The following SUMF1 variants were observed in gnomAD, a reference collection of about 807,000 sequenced individuals.
SUMF1 encodes formylglycine-generating enzyme.
In SUMF1, 48 loss-of-function variants were observed where a neutral mutation model predicts 47.6. The ratio of observed to expected loss-of-function variants is 1.01; its 90% CI spans 0.80 to 1.28. The LOEUF is 1.28. Among genes scored for constraint, SUMF1 ranks in the 50% most tolerant of loss-of-function variants. The pLI, the probability that SUMF1 is intolerant of heterozygous loss-of-function variation, is 0.00. For synonymous variants in SUMF1, 230 were observed against 192.1 expected (o/e 1.20, Z -1.63); for missense variants, 571 against 485.4 (o/e 1.18, Z -1.66).
intron 3 of SUMF1, among the ~76,000 whole-genome samples, chr3:4,426,321 A>T (rs1365369909): frequency 6.6e-6 from 1 of 152,186 alleles, no homozygotes; most frequent in East Asian, 1.9e-4. Flanking sequence ...AAGGAGAGAC[A>T]AGTAATCAAA....
chr3:4,151,568 C>CAT (rs1166801335), intron 8 of SUMF1, among the ~76,000 whole-genome samples: 2 of 145,676 alleles, frequency 1.4e-5, no homozygotes, highest in African/African-American at 5.2e-5. Flanking sequence ...CACACACACA[C>CAT]ACACACACAC....
chr3:4,298,172 T>C (rs1697891767), intron 8 of SUMF1, among the ~76,000 whole-genome samples: 1 of 152,234 alleles, frequency 6.6e-6, no homozygotes. Flanking sequence ...AATTCATTAA[T>C]GTCCAGAAAT....
Position 4,201,323 on chromosome 3 carries a change from C to T in SUMF1, c.1015-132578G>A, listed in dbSNP as rs78251896. ...TTCCTAGCTTCTGGTAACCATCATTCTACTACTCTCTATCTCCATGAGTTC... is the reference window on the plus strand; with the variant it reads ...TTCCTAGCTTCTGGTAACCATCATTTTACTACTCTCTATCTCCATGAGTTC... On this transcript the variant is annotated intron_variant and NMD_transcript_variant, in intron 8 of 12. Transcript: ENST00000448413. Among the ~76,000 whole-genome samples the T allele has an allele frequency of 3.9e-5, 6 of 152,138 alleles. No homozygotes were observed. In the East Asian group the frequency reaches 1.2e-3, roughly 29 times the overall value.
chr3:4,163,482 A>G (rs1694631743), intron 8 of SUMF1, among the ~76,000 whole-genome samples: 1 of 54,106 alleles, frequency 1.8e-5, no homozygotes, highest in South Asian at 5.8e-4. Context: ...AATCTCTCCA[A>G]TGTATCTCTC....
intron 8 of SUMF1, among the ~76,000 whole-genome samples, chr3:4,350,583 T>G (rs1216569225): frequency 6.6e-6 from 1 of 152,180 alleles, no homozygotes; most frequent in Admixed American, 6.5e-5. Flanking sequence ...TAATTTTACC[T>G]AGGTATATTA....
At chr3:4,268,324 C>G (rs1298612835) in intron 8 of SUMF1, among the ~76,000 whole-genome samples, 1 of 151,882 alleles carries the variant, frequency 6.6e-6, no homozygotes, top group East Asian at 1.9e-4. Flanking sequence ...GGGAGATATA[C>G]CTAATGCTAG....
intron 7 of SUMF1, among the ~76,000 whole-genome samples, chr3:4,388,112 A>G (rs1004385591): frequency 2.0e-5 from 3 of 152,086 alleles, no homozygotes; most frequent in African/African-American, 7.2e-5. Flanking sequence ...GAGTTCTTCT[A>G]TATCCTTGCT....
At chr3:4,298,820 G>T (rs1003425473) in intron 8 of SUMF1, among the ~76,000 whole-genome samples, 1 of 152,132 alleles carries the variant, frequency 6.6e-6, no homozygotes, top group African/African-American at 2.4e-5. Context: ...CTGAATATCT[G>T]AGAAATTCCC....
chr3:4,039,918 G>A (rs1218610866), intron 9 of SUMF1, among the ~76,000 whole-genome samples: 1 of 152,032 alleles, frequency 6.6e-6, no homozygotes, highest in African/African-American at 2.4e-5. Flanking sequence ...AGCTACTTGG[G>A]AGCCTGAGAT....
At chr3:4,151,701 T>A (rs1250096970) in intron 8 of SUMF1, among the ~76,000 whole-genome samples, 1 of 138,166 alleles carries the variant, frequency 7.2e-6, no homozygotes, top group Non-Finnish European at 1.5e-5. Context: ...GCTGATGAGC[T>A]AAAAAAAAAA....
At chr3:4,358,406 G>A (rs904407252), downstream of SUMF1, among the ~76,000 whole-genome samples, 1 of 152,108 alleles carries the variant, frequency 6.6e-6, no homozygotes, top group East Asian at 1.9e-4. Context: ...ACTGCAACTG[G>A]CACATCGACC....
At chr3:4,044,480 G>A (rs778970838) in intron 9 of SUMF1, among the ~76,000 whole-genome samples, 3 of 152,170 alleles carry the variant, frequency 2.0e-5, no homozygotes, top group Non-Finnish European at 2.9e-5. Context: ...TGCAGTAAAA[G>A]GGTATGAGTA....
intron 3 of SUMF1, among the ~76,000 whole-genome samples, chr3:4,431,247 T>C (rs952925420): frequency 1.3e-5 from 2 of 152,224 alleles, no homozygotes; most frequent in African/African-American, 2.4e-5. Flanking sequence ...ACAGACCGGA[T>C]TGAGAACCTG....
chr3:4,449,653 G>C (rs1218227201), intron 2 of SUMF1, among the ~76,000 whole-genome samples: 1 of 152,236 alleles, frequency 6.6e-6, no homozygotes, highest in East Asian at 1.9e-4. Flanking sequence ...ATGACTCTGG[G>C]AAATAGTATT....
At chr3:4,128,704 G>C (rs891388386) in intron 8 of SUMF1, among the ~76,000 whole-genome samples, 1 of 152,096 alleles carries the variant, frequency 6.6e-6, no homozygotes, top group Non-Finnish European at 1.5e-5. Flanking sequence ...ATAAATTAGA[G>C]TTTATATAAA....
At chr3:4,301,988 T>C (rs535909003) in intron 8 of SUMF1, among the ~76,000 whole-genome samples, 1 of 152,198 alleles carries the variant, frequency 6.6e-6, no homozygotes, top group South Asian at 2.1e-4. Context: ...CACCCACTTT[T>C]CAGAAACAGT....
chr3:4,148,554 C>A lies in SUMF1; in HGVS notation c.1015-79809G>T, dbSNP rs180919868. On this transcript the variant is annotated intron_variant and NMD_transcript_variant, in intron 8 of 12. Transcript: ENST00000448413. ...ACAAAAGGGCTAGTGCAGAAATGAG[C>A]AAAGTTTCCTGTGATGGACAGGACA... Among the ~76,000 whole-genome samples the A allele has an allele frequency of 2.0e-4, 31 of 152,248 alleles. No homozygotes were observed. The East Asian group carries it at 5.8e-3, about 28-fold the overall frequency.
intron 8 of SUMF1, among the ~76,000 whole-genome samples, chr3:4,112,418 G>A (rs902115397): frequency 2.0e-5 from 3 of 152,120 alleles, no homozygotes; most frequent in Non-Finnish European, 4.4e-5. Flanking sequence ...CTTGTGCCAA[G>A]AATAGATAAA....
At chr3:4,181,135 G>A (rs1695087151) in intron 8 of SUMF1, among the ~76,000 whole-genome samples, 1 of 152,142 alleles carries the variant, frequency 6.6e-6, no homozygotes, top group South Asian at 2.1e-4. Context: ...GCCATCAAGG[G>A]TGTCTCCCAT....
Sources: allele counts gnomAD v4.1 joint callset (sites outside exome capture counted in the v4.1 genomes callset), GRCh38; gene constraint gnomAD v4.1.1; transcripts MANE v1.5; gene names NCBI Gene and HGNC (gene_info 2026-07-23, HGNC 2026-07-21).